OSBPL1A: variants seen among roughly 807,000 people sequenced by gnomAD.
The protein encoded by OSBPL1A is oxysterol binding protein like 1A.
Under a neutral mutation model 137.1 loss-of-function variants are expected in OSBPL1A, and 80 were observed. The ratio of observed to expected loss-of-function variants is 0.58; its 90% CI spans 0.49 to 0.70. OSBPL1A has a LOEUF of 0.70. OSBPL1A is among the 30% of genes least tolerant of loss of function. The pLI, the probability that OSBPL1A is intolerant of heterozygous loss-of-function variation, is 0.00. For missense variants in OSBPL1A, 970 were observed against 1,129.4 expected, an observed-to-expected ratio of 0.86 and a Z score of 2.02; for synonymous variants, 365 against 389.7, an observed-to-expected ratio of 0.94 and a Z score of 0.75.
chr18:24,372,443 C>G (rs1905727897), intron 2 of OSBPL1A, among the ~76,000 whole-genome samples: 1 of 152,150 alleles, frequency 6.6e-6, no homozygotes, highest in Non-Finnish European at 1.5e-5. Context: ...TCAGAAAGCA[C>G]AAAGCTGAAC....
chr18:24,345,474 A>G (rs765922577), intron 4 of OSBPL1A, among the ~76,000 whole-genome samples: 13 of 152,064 alleles, frequency 8.5e-5, no homozygotes, highest in Non-Finnish European at 1.9e-4. Context: ...ATCACTTGAG[A>G]TCAGGAGTTC....
intron 15 of OSBPL1A, among the ~76,000 whole-genome samples, chr18:24,252,593 C>G (rs2089130654): frequency 6.6e-6 from 1 of 151,956 alleles, no homozygotes; most frequent in Non-Finnish European, 1.5e-5. Context: ...GGTCTTTAAT[C>G]TGAAAAAGGA....
At chr18:24,175,118 A>ATATGTG (rs2086404601) in intron 21 of OSBPL1A, among the ~76,000 whole-genome samples, 1 of 126,732 alleles carries the variant, frequency 7.9e-6, no homozygotes, top group African/African-American at 3.6e-5. Flanking sequence ...GTATATATAT[A>ATATGTG]TATATATATA....
At chr18:24,228,704 G>A (rs185267729) in intron 16 of OSBPL1A, among the ~76,000 whole-genome samples, 131 of 152,302 alleles carry the variant, frequency 8.6e-4, no homozygotes, top group African/African-American at 2.9e-3. Flanking sequence ...AAGAACTGTG[G>A]CTGATGATTG....
chr18:24,271,624 G>C lies in OSBPL1A; in HGVS notation c.1281+9218C>G. 1 of 985,818 alleles carries C rather than the reference G, an allele frequency of 1.0e-6. No homozygotes were observed. The allele number at this position is 985,818 out of a possible 1,614,324, so 61.1% of individuals were successfully genotyped here. ...GAGCTGCAAATACACCCACCTACCT[G>C]GGCCAGATCCGAGGACCCCGGCTGG... is the stretch of plus-strand genomic sequence containing the variant. On this transcript the variant is annotated intron_variant, in intron 15 of 27. Coordinates refer to ENST00000319481, the MANE Select transcript of OSBPL1A (RefSeq NM_080597.4). The surrounding 1 kb of genome is among the most constrained non-coding windows in gnomAD (Gnocchi z 4.0).
intron 17 of OSBPL1A, among the ~76,000 whole-genome samples, chr18:24,208,237 G>C (rs867494354): frequency 6.6e-6 from 1 of 151,956 alleles, no homozygotes; most frequent in Non-Finnish European, 1.5e-5. Flanking sequence ...GTAAATTACT[G>C]TAGTAATTAA....
chr18:24,217,852 T>C (rs185724860), intron 17 of OSBPL1A, among the ~76,000 whole-genome samples: 3 of 152,240 alleles, frequency 2.0e-5, no homozygotes, highest in East Asian at 3.9e-4. Flanking sequence ...GCTAAAAAAC[T>C]GAAACATAAA....
chr18:24,290,153 G>A (rs1464888066), intron 14 of OSBPL1A, among the ~76,000 whole-genome samples: 1 of 152,010 alleles, frequency 6.6e-6, no homozygotes, highest in Non-Finnish European at 1.5e-5. Flanking sequence ...GGACACTGGT[G>A]GTACCTAGCA....
chr18:24,353,408 T>C (rs943635971), intron 4 of OSBPL1A, among the ~76,000 whole-genome samples: 6 of 151,962 alleles, frequency 3.9e-5, no homozygotes, highest in Non-Finnish European at 7.4e-5. Context: ...CATTAAAAAG[T>C]CAGGAAACAA....
In OSBPL1A at chr18:24,227,016, C is replaced by T. The variant is rs564749632; in HGVS notation, c.1445-1818G>A. Among the ~76,000 whole-genome samples the T allele has an allele frequency of 5.9e-5, 9 of 151,768 alleles. No homozygotes were observed. In the East Asian group the frequency reaches 1.2e-3, roughly 20 times the overall value. ...AAGCAATTCTCCTGCCTCAACCTCC[C>T]GAGTAGCTGGGACTACAGGCATGCG... On this transcript the variant is annotated intron_variant, in intron 16 of 27. Transcript: ENST00000319481.
intron 2 of OSBPL1A, among the ~76,000 whole-genome samples, chr18:24,369,899 A>G (rs1030890816): frequency 6.6e-6 from 1 of 152,002 alleles, no homozygotes; most frequent in Non-Finnish European, 1.5e-5. Context: ...CCCTCACTGA[A>G]CAGAAGTCGT....
chr18:24,188,059 G>GT (rs1338340696), intron 18 of OSBPL1A, among the ~76,000 whole-genome samples: 2 of 152,238 alleles, frequency 1.3e-5, no homozygotes, highest in African/African-American at 4.8e-5. Flanking sequence ...TTACCTGTAA[G>GT]TCTGATTTTG....
intron 21 of OSBPL1A, among the ~76,000 whole-genome samples, chr18:24,177,435 T>A (rs1255247514): frequency 1.3e-5 from 2 of 152,222 alleles, no homozygotes; most frequent in East Asian, 3.8e-4. Context: ...AGGTTTTGAT[T>A]TCTCTCCCCA....
chr18:24,363,284 G>C (rs141154030), intron 4 of OSBPL1A, among the ~76,000 whole-genome samples: 88 of 152,248 alleles, frequency 5.8e-4, no homozygotes, highest in African/African-American at 2.0e-3. Flanking sequence ...GGCTCTAGGG[G>C]AGAATTCATT....
intron 1 of OSBPL1A, among the ~76,000 whole-genome samples, chr18:24,391,790 G>A (rs1236252200): frequency 6.6e-6 from 1 of 152,148 alleles, no homozygotes; most frequent in Non-Finnish European, 1.5e-5. Context: ...TTGATGTTAT[G>A]TACATTTTAT....
Position 24,271,879 on chromosome 18 carries a change from GACTCCC to G in OSBPL1A, c.1281+8957_1281+8962del, listed in dbSNP as rs2089729453. The G allele has an allele frequency of 2.0e-6, 2 of 984,828 alleles. No individual in the cohort carries two copies. The highest frequency in any genetic ancestry group is 6.2e-5 in the Admixed American group (1 of 16,200). 61.0% of individuals were successfully genotyped at this position (984,828 alleles called of 1,614,324 possible). ...GAGGCGTTGCCCGCCAGCGGCCCAG[GACTCCC>G]GCGCCGCGCCCGCCCGGGCCGCAGA... On this transcript the variant is annotated intron_variant, in intron 15 of 27. Transcript: ENST00000319481. The surrounding 1 kb of genome is among the most constrained non-coding windows in gnomAD (Gnocchi z 4.0).
chr18:24,344,282 C>A (rs893814414), intron 4 of OSBPL1A, among the ~76,000 whole-genome samples: 5 of 151,876 alleles, frequency 3.3e-5, no homozygotes, highest in African/African-American at 4.8e-5. Flanking sequence ...AAACCTGGTC[C>A]CTACCAAAAA....
Position 24,352,864 on chromosome 18 carries a change from T to A in OSBPL1A, c.283-11206A>T, listed in dbSNP as rs540632653. On this transcript the variant is annotated intron_variant, in intron 4 of 27. Coordinates refer to ENST00000319481, the MANE Select transcript of OSBPL1A (RefSeq NM_080597.4). ...GTGCTGGGAAAACTGGCTAGCCATA[T>A]GTAGAAAGCTGAAACTGGATCCCTT... Among the ~76,000 whole-genome samples, 18 of 152,292 alleles carry A rather than the reference T, an allele frequency of 1.2e-4. No homozygotes were observed. The East Asian group carries it at 3.5e-3, about 29-fold the overall frequency.
At chr18:24,351,347 C>CAAAAAAAAGAAAAA (rs2091435872) in intron 4 of OSBPL1A, among the ~76,000 whole-genome samples, 1 of 35,770 alleles carries the variant, frequency 2.8e-5, no homozygotes, top group African/African-American at 1.0e-4. Flanking sequence ...GACTCTGTCT[C>CAAAAAAAAGAAAAA]AAAAAAAAAA....
Sources: gnomAD v4.1 joint callset for allele counts (sites outside exome capture counted in the v4.1 genomes callset) on GRCh38, gnomAD v4.1.1 for gene constraint, Gnocchi (gnomAD v3.1) non-coding constraint, MANE v1.5 for transcripts, NCBI Gene and HGNC (gene_info 2026-07-23, HGNC 2026-07-21) for gene names.